Variants in SENP1 observed in about 807,000 individuals in gnomAD.
The protein encoded by SENP1 is SUMO specific peptidase 1, also known as sentrin-specific protease 1.
Under a neutral mutation model 93.0 loss-of-function variants are expected in SENP1, and 21 were observed. That is an observed-to-expected ratio of 0.23 (90% CI 0.16 to 0.33). The LOEUF (loss-of-function observed/expected upper bound fraction) is 0.33. Ranked by LOEUF, SENP1 falls within the 10% of genes least tolerant of loss-of-function variation. The pLI, the probability that SENP1 is intolerant of heterozygous loss-of-function variation, is 1.00. For synonymous variants in SENP1, 256 were observed against 259.6 expected, an observed-to-expected ratio of 0.99 and a Z score of 0.13; for missense variants, 591 against 758.7, an observed-to-expected ratio of 0.78 and a Z score of 2.60.
In SENP1 at chr12:48,083,609, A is replaced by G. The variant is rs1944636982; in HGVS notation, c.534T>C (p.His178=). The G allele has an allele frequency of 5.0e-6, 8 of 1,613,808 alleles. No homozygotes were observed. In the East Asian group the frequency reaches 1.6e-4, roughly 31 times the overall value. ...TCCTTACCTCTTCTGCTGTACTAAC[A>G]TGTCGCCTCTGAGTTTTCTTGGGGC... The part of the protein sequence containing the change: ...LLSPKKTQRR[H]VSTAEETVQE... Residue 178 remains histidine (H), a synonymous_variant, in exon 6 of 18, where the codon CAT becomes CAC. Transcript: ENST00000549518.
intron 13 of SENP1, among the ~76,000 whole-genome samples, chr12:48,055,938 C>T (rs1344992798): frequency 7.5e-6 from 1 of 133,258 alleles, no homozygotes; most frequent in African/African-American, 2.8e-5. Context: ...CTATATATAA[C>T]ATATATTAAT....
At chr12:48,069,592 T>C (rs74089540) in intron 9 of SENP1, among the ~76,000 whole-genome samples, 3,838 of 152,326 alleles carry the variant, frequency 0.025, 164 homozygotes, top group African/African-American at 0.085. Context: ...TGCATGCATC[T>C]TGTGGCATTT....
chr12:48,100,451 C>T (rs1189549670), intron 2 of SENP1, among the ~76,000 whole-genome samples: 9 of 151,904 alleles, frequency 5.9e-5, no homozygotes, highest in Non-Finnish European at 1.2e-4. Flanking sequence ...GCCAACATGG[C>T]GAAACCCCAT....
Position 48,105,843 on chromosome 12 carries a change from G to T in SENP1, c.-45+185C>A, listed in dbSNP as rs746384020. The T allele has an allele frequency of 1.6e-3, 972 of 599,052 alleles. 3 individuals are homozygous for T. Among genetic ancestry groups the T allele is most frequent in the Non-Finnish European group, 1.7e-3 (583 of 337,378 alleles). 37.1% of individuals were successfully genotyped at this position (599,052 alleles called of 1,614,324 possible). ...AACGGCCACCGGCGGCCACAGCGCG[G>T]CCACCGGACAGCAGGGGGGAGGGGA... On this transcript the variant is annotated intron_variant, in intron 1 of 17. Transcript: ENST00000549518.
intron 2 of SENP1, among the ~76,000 whole-genome samples, chr12:48,100,055 C>G (rs1945819327): frequency 6.6e-6 from 1 of 151,978 alleles, no homozygotes; most frequent in Non-Finnish European, 1.5e-5. Context: ...AGAAGGCAGA[C>G]TAAGGAAAAG....
chr12:48,101,524 AG>A lies in SENP1; in HGVS notation c.-44-9del. The stretch of plus-strand genomic sequence containing the variant: ...TAGCAAAGATACAAAGTCCTATAAA[AG>A]AAGACACAAAACAGAAAAATTACAT... On this transcript the variant is annotated splice_polypyrimidine_tract_variant and intron_variant, in intron 1 of 17. Coordinates refer to ENST00000549518, the MANE Select transcript of SENP1 (RefSeq NM_001267594.2). 6.6e-7 allele frequency: 1 copy of A among 1,522,796 alleles called. No homozygotes were observed. The highest frequency in any genetic ancestry group is 1.2e-5 in the South Asian group (1 of 84,734). 94.3% of individuals were successfully genotyped at this position (1,522,796 alleles called of 1,614,324 possible).
chr12:48,046,573 GC>G (rs1205078603), intron 16 of SENP1, 122 bp from the exon 17 acceptor site: 2 of 725,440 alleles, frequency 2.8e-6, no homozygotes, highest in East Asian at 2.6e-5. Context: ...GATGACTCTG[GC>G]CCCCCAGTCA....
intron 6 of SENP1, among the ~76,000 whole-genome samples, chr12:48,078,159 T>C (rs1944229940): frequency 6.6e-6 from 1 of 151,542 alleles, no homozygotes; most frequent in East Asian, 1.9e-4. Flanking sequence ...TGATTGGTTT[T>C]TTGTAGCTAT....
At chr12:48,056,161 GTA>G (rs1565742683) in intron 13 of SENP1, among the ~76,000 whole-genome samples, 1 of 107,958 alleles carries the variant, frequency 9.3e-6, no homozygotes, top group Non-Finnish European at 1.7e-5. Context: ...TTAATATATA[GTA>G]TATATTATTT....
chr12:48,074,183 T>C (rs1943904763), intron 8 of SENP1, 141 bp downstream of exon 8: 8 of 723,260 alleles, frequency 1.1e-5, no homozygotes, highest in South Asian at 2.1e-5. Context: ...GTTTCAGATT[T>C]TGGAACATTT....
At chr12:48,056,484 A>ATATTACATATTACATATATAAATAATT in intron 13 of SENP1, among the ~76,000 whole-genome samples, 1 of 99,912 alleles carries the variant, frequency 1.0e-5, no homozygotes, top group African/African-American at 4.5e-5. Context: ...ATTATTTAAT[A>ATATTACATATTACATATATAAATAATT]TATTACATAT....
At chr12:48,089,114 C>A in intron 4 of SENP1, 154 bp from the exon 5 acceptor site, 1 of 1,570,174 alleles carries the variant, frequency 6.4e-7, no homozygotes, top group Non-Finnish European at 8.6e-7. Flanking sequence ...CCAGTAAAGT[C>A]TGCAGTAGGG....
rs903802912 is a variant in SENP1, at chr12:48,080,926, C to T, written c.552+2665G>A. Among the ~76,000 whole-genome samples, 2 of 152,186 alleles carry T rather than the reference C, an allele frequency of 1.3e-5. 1 individual carries two copies. The highest frequency in any genetic ancestry group is 1.3e-4 in the Admixed American group (2 of 15,276). On this transcript the variant is annotated intron_variant, in intron 6 of 17. Coordinates refer to ENST00000549518, the MANE Select transcript of SENP1 (RefSeq NM_001267594.2). ...GGAAGGAGAACTCCACCTTCATGTT[C>T]TCCACTGACCCAACCTGTGGCCTGG... is the stretch of plus-strand genomic sequence containing the variant.
chr12:48,046,502 C>T (rs1213367997), intron 16 of SENP1, 51 bp from the exon 17 acceptor site: 1 of 1,261,688 alleles, frequency 7.9e-7, no homozygotes, highest in Admixed American at 1.7e-5. Flanking sequence ...TTCTTTCCTT[C>T]TTAGATTAAA....
chr12:48,046,974 G>A lies in SENP1; in HGVS notation c.1776+4C>T. 6.3e-7 allele frequency: 1 copy of A among 1,597,188 alleles called. No individual in the cohort carries two copies. The highest frequency in any genetic ancestry group is 1.3e-5 in the African/African-American group (1 of 74,568). On this transcript the variant is annotated splice_donor_region_variant and intron_variant, in intron 16 of 17. Transcript: ENST00000549518. ...GACTTTTATTTCATCAAGATGAAAG[G>A]TACCTGGCTTTTCTTGCTGAAAAGC...
chr12:48,078,858 T>C (rs1001704277), intron 6 of SENP1, among the ~76,000 whole-genome samples: 13 of 152,220 alleles, frequency 8.5e-5, no homozygotes, highest in African/African-American at 3.1e-4. Flanking sequence ...ACTGTTTTTG[T>C]TGTTGTTGTT....
At chr12:48,050,176 G>A (rs1447785601) in intron 13 of SENP1, among the ~76,000 whole-genome samples, 2 of 152,148 alleles carry the variant, frequency 1.3e-5, no homozygotes, top group Non-Finnish European at 2.9e-5. Context: ...ACTGATCCAC[G>A]GCTTGGAAAT....
chr12:48,094,201 C>G (rs1053404983), intron 4 of SENP1, among the ~76,000 whole-genome samples: 2 of 151,750 alleles, frequency 1.3e-5, no homozygotes, highest in African/African-American at 4.8e-5. Context: ...ACAGCAAGAC[C>G]CTCACCTCTA....
At chr12:48,069,146 C>A (rs1943497106) in intron 9 of SENP1, among the ~76,000 whole-genome samples, 1 of 79,674 alleles carries the variant, frequency 1.3e-5, no homozygotes, top group South Asian at 5.4e-4. Context: ...GAGCAAGACT[C>A]TGTCACAAAA....
Sources: gnomAD v4.1 joint callset for allele counts (sites outside exome capture counted in the v4.1 genomes callset) on GRCh38, gnomAD v4.1.1 for gene constraint, MANE v1.5 for transcripts, NCBI Gene and HGNC (gene_info 2026-07-23, HGNC 2026-07-21) for gene names.